The following FANCD2 variants were observed in gnomAD, a reference collection of about 807,000 sequenced individuals.
FANCD2 encodes Fanconi anemia group D2 protein.
FANCD2 carries 131 observed loss-of-function variants against 192.3 expected under a neutral mutation model. The observed-to-expected ratio is 0.68, with a 90% CI of 0.59 to 0.79. The LOEUF (loss-of-function observed/expected upper bound fraction) is 0.79, where lower values mean the gene tolerates loss of function less well. Among genes scored for constraint, FANCD2 ranks in the 30% least tolerant of loss-of-function variants. FANCD2 has a pLI of 0.00. For missense variants in FANCD2, 1,508 were observed against 1,701.6 expected (o/e 0.89, Z 2.00); for synonymous variants, 524 against 612.5 (o/e 0.86, Z 2.13).
At chr3:10,053,382 T>C (rs954131372) in intron 18 of FANCD2, among the ~76,000 whole-genome samples, 1 of 19,200 alleles carries the variant, frequency 5.2e-5, no homozygotes, top group Non-Finnish European at 1.0e-4. Flanking sequence ...CTTTGTGGGG[T>C]GGGGGGAGGC....
intron 10 of FANCD2, 127 bp downstream of exon 10, chr3:10,041,837 T>G (rs559831106): frequency 1.5e-6 from 1 of 663,304 alleles, no homozygotes; most frequent in Non-Finnish European, 2.7e-6. Flanking sequence ...ACATTTGATA[T>G]CTCTCTTTTT....
At chr3:10,045,142 A>G (rs62245507) in intron 14 of FANCD2, among the ~76,000 whole-genome samples, 7,261 of 144,336 alleles carry the variant, frequency 0.05, 225 homozygotes, top group Non-Finnish European at 0.073. Flanking sequence ...TACACGCCCA[A>G]TGTTTTCTCT....
chr3:10,044,697 A>G (rs66543323), intron 14 of FANCD2, among the ~76,000 whole-genome samples: 29,874 of 151,956 alleles, frequency 0.2, 3,432 homozygotes, highest in African/African-American at 0.32. Flanking sequence ...TTTGTTATCC[A>G]ATTTTGGGAT....
chr3:10,054,736 G>C (rs965708726), intron 18 of FANCD2, among the ~76,000 whole-genome samples: 5 of 150,874 alleles, frequency 3.3e-5, no homozygotes, highest in Middle Eastern at 3.4e-3. Flanking sequence ...GCCAGCCTCG[G>C]CCTCCCAAAG....
At chr3:10,045,968 A>G (rs1449505353) in intron 14 of FANCD2, among the ~76,000 whole-genome samples, 2 of 151,824 alleles carry the variant, frequency 1.3e-5, no homozygotes, top group Non-Finnish European at 2.9e-5. Context: ...GGAGTTGGCA[A>G]GTGATTGAAT....
chr3:10,062,245 G>GT lies in FANCD2; in HGVS notation c.1827+35dup. The GT allele has an allele frequency of 9.0e-6, 14 of 1,550,944 alleles. No individual in the cohort carries two copies. The Admixed American group carries it at 9.1e-5, about 10-fold the overall frequency. On this transcript the variant is annotated intron_variant, in intron 20 of 43. Transcript: ENST00000675286. ...TTTTTTTCCTTTCTTTCTTTTTCCT[G>GT]TCTTTTTTTTTTTTTTAGAGAGTCT...
intron 18 of FANCD2, among the ~76,000 whole-genome samples, chr3:10,053,215 C>T (rs1402835809): frequency 6.6e-6 from 1 of 150,460 alleles, no homozygotes; most frequent in African/African-American, 2.5e-5. Flanking sequence ...ATGATGAGTT[C>T]ATGTCCTTTG....
At position 10,040,312 on chromosome 3, in the gene FANCD2, A is replaced by G. The variant is rs2086834665; in HGVS notation, c.695+467A>G. Reference sequence around the variant, plus strand: ...CGGCCTCCCAGAGTGCTGGGATTACAGGCATGAGCCACCGTGCCTGGCCCC... The same window carrying G: ...CGGCCTCCCAGAGTGCTGGGATTACGGGCATGAGCCACCGTGCCTGGCCCC... On this transcript the variant is annotated intron_variant, in intron 9 of 43. Transcript: ENST00000675286. The G allele has an allele frequency of 2.1e-4, 75 of 355,492 alleles. 2 individuals carry two copies. Among genetic ancestry groups the G allele is most frequent in the South Asian group, 1.6e-3 (73 of 46,298 alleles). 22.0% of individuals were successfully genotyped at this position (355,492 alleles called of 1,614,324 possible). A position where few individuals can be genotyped will look rare whatever the true frequency, so the allele number is the denominator to read the frequency against.
chr3:10,029,364 G>A (rs2086535160), intron 2 of FANCD2, among the ~76,000 whole-genome samples: 2 of 152,088 alleles, frequency 1.3e-5, no homozygotes, highest in African/African-American at 4.8e-5. Context: ...AGCTGGGCAT[G>A]GTGGTTTGTG....
In FANCD2 at chr3:10,065,454, A is replaced by G. The variant is rs34053835; in HGVS notation, c.2229A>G (p.Arg743=). The G allele has an allele frequency of 6.2e-7, 1 of 1,613,850 alleles. No individual in the cohort carries two copies. Among genetic ancestry groups the G allele is most frequent in the East Asian group, 2.2e-5 (1 of 44,882 alleles). Residue 743 remains arginine, a synonymous_variant, in exon 24 of 44, where the codon AGA becomes AGG. Transcript: ENST00000675286. The part of the protein sequence containing the change: ...YFRLLRLCVE[R]QHNGNLEEID... ...GGTTACTGAGACTTTGTGTGGAGAG[A>G]CAGCATAACGGAAACTTGGAGGAGA...
At chr3:10,057,131 C>T (rs1309655237) in intron 18 of FANCD2, among the ~76,000 whole-genome samples, 1 of 152,208 alleles carries the variant, frequency 6.6e-6, no homozygotes, top group Admixed American at 6.5e-5. Flanking sequence ...GCTGGCATTA[C>T]AGGCATGAGC....
rs200544843 is a variant in FANCD2, at chr3:10,095,181, A to G, written c.3964-19A>G. The G allele has an allele frequency of 1.3e-4, 201 of 1,602,168 alleles. No homozygotes were observed. The highest frequency in any genetic ancestry group is 1.6e-4 in the Non-Finnish European group (183 of 1,169,196). On this transcript the variant is annotated intron_variant, in intron 40 of 43. Transcript: ENST00000675286. Reference sequence around the variant, plus strand: ...AATCAGGACATTTCATAGAGCATTTATAAACTTATTGGTTATAGGAAGATG... The same window carrying G: ...AATCAGGACATTTCATAGAGCATTTGTAAACTTATTGGTTATAGGAAGATG...
chr3:10,074,760 A>T, intron 29 of FANCD2, 87 bp downstream of exon 29: 3 of 1,290,566 alleles, frequency 2.3e-6, no homozygotes, highest in Non-Finnish European at 3.3e-6. Context: ...ACACTGTGAC[A>T]CTGAGGAGAG....
In FANCD2 at chr3:10,078,093, G is replaced by A. The variant is rs372574627; in HGVS notation, c.2872G>A (p.Val958Met). The change falls in exon 30 of 44, where the codon GTG (valine) becomes ATG (methionine). Residue 958 changes from valine (V) to methionine (M), a missense_variant. Val to Met is a conservative substitution (Grantham distance 21). Transcript: ENST00000675286. ...TEMHTEATEVVQLGPPELLFL... is the reference protein window; with the variant it reads ...TEMHTEATEVMQLGPPELLFL... ...CTCCATGTGACAGGCTACAGAAGTT[G>A]TGCAACTTGGGCCCCCTGAGCTGCT... is the stretch of plus-strand genomic sequence containing the variant. 1.3e-4 allele frequency: 212 copies of A among 1,612,242 alleles called. No homozygotes were observed. Among genetic ancestry groups the A allele is most frequent in the Admixed American group, 1.2e-3 (74 of 60,006 alleles).
intron 32 of FANCD2, among the ~76,000 whole-genome samples, chr3:10,082,489 T>TA (rs1363226823): frequency 1.3e-5 from 2 of 152,178 alleles, no homozygotes; most frequent in African/African-American, 4.8e-5. Flanking sequence ...TTTCTTGAGT[T>TA]AAAACTCTCT....
At chr3:10,060,687 T>A (rs1430829016) in intron 19 of FANCD2, among the ~76,000 whole-genome samples, 1 of 152,222 alleles carries the variant, frequency 6.6e-6, no homozygotes, top group Non-Finnish European at 1.5e-5. Context: ...CCTGATTCTT[T>A]TAGAATGCAT....
At chr3:10,096,735 A>G (rs1310690410) in intron 42 of FANCD2, among the ~76,000 whole-genome samples, 1 of 152,226 alleles carries the variant, frequency 6.6e-6, no homozygotes, top group Non-Finnish European at 1.5e-5. Context: ...TCAGACCAGT[A>G]CAAACCTCTC....
At chr3:10,076,175 G>C (rs901016288) in intron 29 of FANCD2, among the ~76,000 whole-genome samples, 1 of 151,954 alleles carries the variant, frequency 6.6e-6, no homozygotes, top group African/African-American at 2.4e-5. Context: ...ATTCCACTGG[G>C]ATCACTCTGG....
chr3:10,063,080 T>C lies in FANCD2; in HGVS notation c.1828-712T>C, dbSNP rs533938731. ...TAGCAAGAAAGATATGCCATGTTTA[T>C]GGAATAACACTTTGGTTGAAGCATG... On this transcript the variant is annotated intron_variant, in intron 20 of 43. Coordinates refer to ENST00000675286, the MANE Select transcript of FANCD2 (RefSeq NM_001018115.3). 5.3e-5 allele frequency among the ~76,000 whole-genome samples: 8 copies of C among 152,308 alleles called. No individual in the cohort carries two copies. In the South Asian group the frequency reaches 1.0e-3, roughly 20 times the overall value.
Sources: allele counts gnomAD v4.1 joint callset (sites outside exome capture counted in the v4.1 genomes callset), GRCh38; gene constraint gnomAD v4.1.1; transcripts MANE v1.5; gene names NCBI Gene and HGNC (gene_info 2026-07-23, HGNC 2026-07-21).